RPGRIP1L: variants seen among roughly 807,000 people sequenced by gnomAD.
RPGRIP1L encodes the protein protein fantom.
A neutral mutation model predicts 160.4 loss-of-function variants in RPGRIP1L; 131 were observed. The observed-to-expected ratio is 0.82, with a 90% CI of 0.71 to 0.94. The LOEUF (loss-of-function observed/expected upper bound fraction) is 0.94, where lower values mean the gene tolerates loss of function less well. Ranked by LOEUF, RPGRIP1L falls within the 40% of genes least tolerant of loss-of-function variation. The pLI, the probability that RPGRIP1L is intolerant of heterozygous loss-of-function variation, is 0.00. For missense variants in RPGRIP1L, 1,522 were observed against 1,535.8 expected (o/e 0.99, Z 0.15); for synonymous variants, 510 against 515.8 (o/e 0.99, Z 0.15).
intron 6 of RPGRIP1L, among the ~76,000 whole-genome samples, chr16:53,684,159 T>G (rs1404911523): frequency 2.6e-5 from 4 of 152,312 alleles, no homozygotes. Flanking sequence ...TGGAAACTAG[T>G]TCAACCATTG....
chr16:53,646,697 T>C (rs1411356302), intron 16 of RPGRIP1L, among the ~76,000 whole-genome samples: 1 of 152,218 alleles, frequency 6.6e-6, no homozygotes, highest in Non-Finnish European at 1.5e-5. Context: ...GCTGATGTAA[T>C]CTGGAACAAA....
At chr16:53,686,355 T>G in intron 6 of RPGRIP1L, 78 bp downstream of exon 6, 4 of 1,437,348 alleles carry the variant, frequency 2.8e-6, no homozygotes, top group Non-Finnish European at 3.9e-6. Flanking sequence ...CTAGATAAAC[T>G]TATCCTTTTA....
intron 6 of RPGRIP1L, among the ~76,000 whole-genome samples, chr16:53,679,325 T>A (rs1969435646): frequency 2.0e-5 from 3 of 152,200 alleles, no homozygotes; most frequent in African/African-American, 7.2e-5. Flanking sequence ...GCTCATCTTC[T>A]TATAGGGACC....
At chr16:53,641,891 C>G (rs1487533692) in intron 17 of RPGRIP1L, among the ~76,000 whole-genome samples, 1 of 151,952 alleles carries the variant, frequency 6.6e-6, no homozygotes, top group African/African-American at 2.4e-5. Flanking sequence ...TGGCTTGTCT[C>G]TAAAGAAAAA....
intron 3 of RPGRIP1L, chr16:53,695,184 A>G (rs983390872): frequency 3.6e-6 from 2 of 563,286 alleles, no homozygotes; most frequent in Non-Finnish European, 6.3e-6. Context: ...AAAAATTGTT[A>G]GGTGGTCATA....
chr16:53,657,209 C>T (rs1448192002), intron 13 of RPGRIP1L, among the ~76,000 whole-genome samples: 1 of 151,836 alleles, frequency 6.6e-6, no homozygotes, highest in Non-Finnish European at 1.5e-5. Context: ...CACTGGATTC[C>T]AGCCTGGGTG....
At chr16:53,671,862 A>G (rs1037030339) in intron 8 of RPGRIP1L, among the ~76,000 whole-genome samples, 3 of 152,168 alleles carry the variant, frequency 2.0e-5, no homozygotes, top group African/African-American at 7.2e-5. Context: ...ATTAAAGAAT[A>G]TGTTAAGAGC....
chr16:53,644,912 TA>T (rs1966447456), intron 17 of RPGRIP1L, among the ~76,000 whole-genome samples: 1 of 152,156 alleles, frequency 6.6e-6, no homozygotes, highest in Non-Finnish European at 1.5e-5. Context: ...CCAATAAAGG[TA>T]ATTACATAGG....
intron 10 of RPGRIP1L, among the ~76,000 whole-genome samples, chr16:53,664,387 ACT>A (rs541174222): frequency 6.6e-6 from 1 of 152,188 alleles, no homozygotes; most frequent in South Asian, 2.1e-4. Context: ...TATTTCTGCC[ACT>A]CTCTGTCATC....
intron 3 of RPGRIP1L, among the ~76,000 whole-genome samples, chr16:53,692,673 G>T (rs1218197757): frequency 6.6e-6 from 1 of 152,182 alleles, no homozygotes; most frequent in Non-Finnish European, 1.5e-5. Flanking sequence ...CCTTATATAG[G>T]AATGCTGTAC....
chr16:53,680,714 T>C (rs148764088), intron 6 of RPGRIP1L, among the ~76,000 whole-genome samples: 33 of 152,190 alleles, frequency 2.2e-4, no homozygotes, highest in African/African-American at 7.7e-4. Context: ...GATGTCCTTG[T>C]TCCTAGAAGA....
At chr16:53,674,759 T>C (rs1969016403) in intron 7 of RPGRIP1L, among the ~76,000 whole-genome samples, 1 of 152,130 alleles carries the variant, frequency 6.6e-6, no homozygotes, top group South Asian at 2.1e-4. Flanking sequence ...AGATAATTTA[T>C]AATAAATATG....
At chr16:53,622,380 T>A (rs927811208) in intron 22 of RPGRIP1L, 24 bp from the exon 23 acceptor site, 3 of 587,238 alleles carry the variant, frequency 5.1e-6, no homozygotes, top group East Asian at 3.0e-5. Context: ...AAAAAAAAAA[T>A]CTTAAGATTA....
At chr16:53,680,084 C>T (rs1969493583) in intron 6 of RPGRIP1L, among the ~76,000 whole-genome samples, 1 of 152,150 alleles carries the variant, frequency 6.6e-6, no homozygotes, top group Admixed American at 6.5e-5. Context: ...CACTCATATA[C>T]TAGTAACTAT....
intron 10 of RPGRIP1L, among the ~76,000 whole-genome samples, chr16:53,660,355 C>T: frequency 6.6e-6 from 1 of 152,090 alleles, no homozygotes; most frequent in Non-Finnish European, 1.5e-5. Context: ...AAAATGAACA[C>T]ATTTGCCAAG....
At chr16:53,653,325 A>G in intron 14 of RPGRIP1L, 1 of 1,126,600 alleles carries the variant, frequency 8.9e-7, no homozygotes, top group Non-Finnish European at 1.1e-6. Context: ...TGCTCCACCC[A>G]TTGTCTTCAC....
intron 6 of RPGRIP1L, among the ~76,000 whole-genome samples, chr16:53,681,231 T>C (rs371661567): frequency 3.3e-5 from 5 of 152,276 alleles, no homozygotes; most frequent in African/African-American, 9.6e-5. Flanking sequence ...TTAAATTTCC[T>C]CCACTGGGAC....
At chr16:53,698,919 T>C (rs1330552452) in intron 2 of RPGRIP1L, among the ~76,000 whole-genome samples, 1 of 152,126 alleles carries the variant, frequency 6.6e-6, no homozygotes, top group Non-Finnish European at 1.5e-5. Flanking sequence ...TGGGCCATGA[T>C]GACAATGGTG....
In RPGRIP1L at chr16:53,692,059, G is replaced by C. The variant is rs1970421028; in HGVS notation, c.529+7C>G. ...TCAGTTTAGATTTAACGTAAGCTTT[G>C]TTTTACCTTTCCTGGGGCATTCCTG... On this transcript the variant is annotated splice_region_variant and intron_variant, in intron 4 of 26. Coordinates refer to ENST00000647211, the MANE Select transcript of RPGRIP1L (RefSeq NM_015272.5). 6.2e-7 allele frequency: 1 copy of C among 1,613,158 alleles called. No homozygotes were observed. Among genetic ancestry groups the C allele is most frequent in the African/African-American group, 1.3e-5 (1 of 74,894 alleles).
Sources: allele counts gnomAD v4.1 joint callset (sites outside exome capture counted in the v4.1 genomes callset), GRCh38; gene constraint gnomAD v4.1.1; transcripts MANE v1.5; gene names NCBI Gene and HGNC (gene_info 2026-07-23, HGNC 2026-07-21).